EVI5: variants seen among roughly 807,000 people sequenced by gnomAD.
EVI5 encodes the protein ecotropic viral integration site 5 protein homolog.
A neutral mutation model predicts 112.0 loss-of-function variants in EVI5; 73 were observed. That is an observed-to-expected ratio of 0.65 (90% CI 0.54 to 0.79). The LOEUF is 0.79. Ranked by LOEUF, EVI5 falls within the 30% of genes least tolerant of loss-of-function variation. The pLI is 0.00. For missense variants in EVI5, 900 were observed against 968.8 expected, an observed-to-expected ratio of 0.93 and a Z score of 0.94; for synonymous variants, 305 against 319.9, an observed-to-expected ratio of 0.95 and a Z score of 0.50.
At chr1:92,591,864 G>A (rs142137061) in intron 18 of EVI5, among the ~76,000 whole-genome samples, 2,339 of 152,280 alleles carry the variant, frequency 0.015, 33 homozygotes, top group Non-Finnish European at 0.023. Flanking sequence ...TGGAAGTAAA[G>A]CACTCCTCAG....
At chr1:92,621,832 C>T (rs528793482) in intron 16 of EVI5, among the ~76,000 whole-genome samples, 19 of 152,022 alleles carry the variant, frequency 1.2e-4, no homozygotes, top group Admixed American at 6.5e-4. Context: ...CTTAAGAAAT[C>T]TAAATCAAGG....
intron 1 of EVI5, among the ~76,000 whole-genome samples, chr1:92,744,598 T>TCA (rs758493472): frequency 4.6e-3 from 271 of 58,538 alleles, no homozygotes; most frequent in East Asian, 0.022. Context: ...TCTCTCTCTC[T>TCA]CTCACACACA....
intron 7 of EVI5, among the ~76,000 whole-genome samples, chr1:92,694,851 GACA>G (rs1393134340): frequency 1.3e-5 from 2 of 152,134 alleles, no homozygotes; most frequent in African/African-American, 4.8e-5. Flanking sequence ...CTGACAAAAG[GACA>G]ACAACCTGCA....
chr1:92,622,185 G>A (rs1654747853), intron 16 of EVI5: 1 of 193,288 alleles, frequency 5.2e-6, no homozygotes, highest in Non-Finnish European at 1.1e-5. Context: ...ATCTAGCAAT[G>A]GGAATGTGTT....
chr1:92,760,631 C>T lies in EVI5; in HGVS notation c.-81-24004G>A, dbSNP rs536392439. Among the ~76,000 whole-genome samples the T allele has an allele frequency of 7.3e-5, 11 of 151,018 alleles. No homozygotes were observed. In the East Asian group the frequency reaches 7.8e-4, roughly 11 times the overall value. On this transcript the variant is annotated intron_variant, in intron 1 of 19. Coordinates refer to ENST00000684568, the MANE Select transcript of EVI5 (RefSeq NM_001350197.2). ...CACCTGTAATCCCAGCTTCTTGAGA[C>T]GCTAAGGCAGGAGAATTGCTTGAAC...
chr1:92,744,594 TCTCTCTCACACACACA>T (rs780190752), intron 1 of EVI5, among the ~76,000 whole-genome samples: 26,181 of 133,474 alleles, frequency 0.2, 2,706 homozygotes, highest in Admixed American at 0.24. Context: ...TATCTCTCTC[TCTCTCTCACACACACA>T]CACACACACA....
chr1:92,601,552 T>A (rs1649172510), intron 18 of EVI5, among the ~76,000 whole-genome samples: 1 of 145,138 alleles, frequency 6.9e-6, no homozygotes, highest in Non-Finnish European at 1.5e-5. Flanking sequence ...ATTCTGTCAT[T>A]CACAACAACA....
intron 10 of EVI5, among the ~76,000 whole-genome samples, chr1:92,671,940 C>T (rs1665949731): frequency 6.6e-6 from 1 of 151,612 alleles, no homozygotes; most frequent in Admixed American, 6.6e-5. Flanking sequence ...GTAGCTAGGA[C>T]TACAGGCATG....
At chr1:92,691,420 C>T (rs2391200) in intron 9 of EVI5, among the ~76,000 whole-genome samples, 140,931 of 152,210 alleles carry the variant, frequency 0.93, 65,334 homozygotes, top group East Asian at 0.97. Context: ...TTGTTAAATA[C>T]AGACAATAAG....
At chr1:92,660,022 A>G (rs1266938534) in intron 13 of EVI5, among the ~76,000 whole-genome samples, 1 of 152,040 alleles carries the variant, frequency 6.6e-6, no homozygotes, top group African/African-American at 2.4e-5. Flanking sequence ...AATGAGAAAT[A>G]ATGTATACAC....
chr1:92,736,041 C>T (rs1677375292), intron 2 of EVI5, among the ~76,000 whole-genome samples: 1 of 151,156 alleles, frequency 6.6e-6, no homozygotes, highest in African/African-American at 2.4e-5. Flanking sequence ...GCACTCTAAA[C>T]CACAAATCAG....
intron 19 of EVI5, among the ~76,000 whole-genome samples, chr1:92,515,805 A>C (rs1170982229): frequency 6.6e-5 from 10 of 152,226 alleles, no homozygotes; most frequent in Admixed American, 4.6e-4. Context: ...ACTTCCAGGA[A>C]GAAGTGAAGA....
chr1:92,709,643 G>A (rs941660723), intron 2 of EVI5, among the ~76,000 whole-genome samples: 24 of 152,168 alleles, frequency 1.6e-4, no homozygotes, highest in African/African-American at 5.8e-4. Flanking sequence ...CTCTGTGAGA[G>A]AGTCGGAACA....
At chr1:92,620,027 G>A (rs1654167772) in intron 16 of EVI5, among the ~76,000 whole-genome samples, 1 of 152,132 alleles carries the variant, frequency 6.6e-6, no homozygotes. Flanking sequence ...CAAGAAGGGA[G>A]CATGAGAAGA....
At chr1:92,778,058 G>A (rs34843292) in intron 1 of EVI5, among the ~76,000 whole-genome samples, 31,510 of 151,830 alleles carry the variant, frequency 0.21, 3,786 homozygotes, top group Non-Finnish European at 0.27. Flanking sequence ...ACAGGCGCAC[G>A]CCACCACGCA....
intron 9 of EVI5, among the ~76,000 whole-genome samples, chr1:92,682,181 T>C (rs1246666940): frequency 7.2e-5 from 11 of 152,144 alleles, no homozygotes. Flanking sequence ...TTACTGTTAT[T>C]GTACTGTAGG....
Position 92,667,206 on chromosome 1 carries a change from C to G in EVI5, c.1159-1214G>C. On this transcript the variant is annotated intron_variant, in intron 10 of 19. Coordinates refer to ENST00000684568, the MANE Select transcript of EVI5 (RefSeq NM_001350197.2). ...AGGCTCAGGGGGAAGACGGCCTCAG[C>G]CCTGGAAGTGGAGGTTGCAGTGAGC... 1.3e-5 allele frequency among the ~76,000 whole-genome samples: 2 copies of G among 152,116 alleles called. 1 individual carries two copies. The highest frequency in any genetic ancestry group is 2.9e-5 in the Non-Finnish European group (2 of 68,004).
chr1:92,550,163 AG>A (rs1479185571), intron 19 of EVI5, among the ~76,000 whole-genome samples: 1 of 152,182 alleles, frequency 6.6e-6, no homozygotes, highest in African/African-American at 2.4e-5. Flanking sequence ...AATATTATGC[AG>A]CCATAAAAAA....
At chr1:92,691,939 A>G (rs1327850830) in intron 9 of EVI5, among the ~76,000 whole-genome samples, 1 of 152,204 alleles carries the variant, frequency 6.6e-6, no homozygotes, top group African/African-American at 2.4e-5. Flanking sequence ...TGAAGTAACC[A>G]CTGTGAGGAA....
Sources: gnomAD v4.1 joint callset for allele counts (sites outside exome capture counted in the v4.1 genomes callset) on GRCh38, gnomAD v4.1.1 for gene constraint, MANE v1.5 for transcripts, NCBI Gene and HGNC (gene_info 2026-07-23, HGNC 2026-07-21) for gene names.